The following OPRM1 variants were observed in gnomAD, a reference collection of about 807,000 sequenced individuals.
OPRM1 encodes the protein mu-type opioid receptor.
OPRM1 carries 27 observed loss-of-function variants against 31.8 expected under a neutral mutation model. That is an observed-to-expected ratio of 0.85 (90% CI 0.63 to 1.17). The LOEUF (loss-of-function observed/expected upper bound fraction) is 1.17. Among genes scored for constraint, OPRM1 ranks in the 50% most tolerant of loss-of-function variants. The pLI is 0.00. For synonymous variants in OPRM1, 196 were observed against 189.9 expected (o/e 1.03, Z -0.26); for missense variants, 536 against 511.1 (o/e 1.05, Z -0.47).
intron 1 of OPRM1, among the ~76,000 whole-genome samples, chr6:154,059,046 G>A (rs1230101412): frequency 2.0e-5 from 3 of 152,088 alleles, no homozygotes; most frequent in African/African-American, 7.2e-5. Context: ...AGTTATTGAG[G>A]GTTCATTTGG....
At chr6:154,229,577 C>T (rs965719557) in intron 3 of OPRM1, among the ~76,000 whole-genome samples, 6 of 151,770 alleles carry the variant, frequency 4.0e-5, no homozygotes, top group Admixed American at 3.3e-4. Flanking sequence ...AGGACGGTCT[C>T]GATCTCCTGA....
At position 154,211,154 on chromosome 6, in the gene OPRM1, C is replaced by T. The variant is rs1212467685; in HGVS notation, c.1165-35539C>T. Among the ~76,000 whole-genome samples the T allele has an allele frequency of 2.6e-5, 4 of 152,096 alleles. 1 individual carries two copies. Among genetic ancestry groups the T allele is most frequent in the Admixed American group, 1.3e-4 (2 of 15,264 alleles). The stretch of plus-strand genomic sequence containing the variant: ...TGTCCTGGCTGGGTGCGGTGGCTCA[C>T]GCTTGTAATCCCAGCACTTTGGGAG... On this transcript the variant is annotated intron_variant, in intron 3 of 3. Transcript: ENST00000337049.
At position 154,082,124 on chromosome 6, in the gene OPRM1, C is replaced by A. The variant is rs548355204; in HGVS notation, c.291-7702C>A. 1.6e-4 allele frequency among the ~76,000 whole-genome samples: 25 copies of A among 152,256 alleles called. 1 individual carries two copies. Among genetic ancestry groups the A allele is most frequent in the Admixed American group, 1.2e-3 (19 of 15,286 alleles). On this transcript the variant is annotated intron_variant, in intron 1 of 3. Coordinates refer to ENST00000330432, the MANE Select transcript of OPRM1 (RefSeq NM_000914.5). The stretch of plus-strand genomic sequence containing the variant: ...CTGGCACAGCAAAAACAAATATTCC[C>A]TCTTCAGTCTTACTTCAAAAATTGC...
intron 1 of OPRM1, among the ~76,000 whole-genome samples, chr6:154,052,386 T>C (rs1321970242): frequency 6.6e-6 from 1 of 152,224 alleles, no homozygotes; most frequent in African/African-American, 2.4e-5. Flanking sequence ...GTTTTTACAA[T>C]CAGATAATCT....
Position 154,039,360 on chromosome 6 carries a change from T to C in OPRM1, c.-185T>C. 6.5e-7 allele frequency: 1 copy of C among 1,545,282 alleles called. No homozygotes were observed. ...GGAGGGGGCTATACGCAGAGGAGAA[T>C]GTCAGATGCTCAGCTCGGTCCCCTC... On this transcript the variant is annotated 5_prime_UTR_variant, in exon 1 of 4. The change abolishes an upstream ATG in the 5' untranslated region. Coordinates refer to ENST00000330432, the MANE Select transcript of OPRM1 (RefSeq NM_000914.5).
rs1779709548 is a variant in OPRM1, at chr6:154,039,939, G to A, written c.290+105G>A. 1.5e-5 allele frequency: 16 copies of A among 1,079,412 alleles called. No individual in the cohort carries two copies. In the South Asian group the frequency reaches 2.8e-4, roughly 19 times the overall value. The allele number at this position is 1,079,412 out of a possible 1,614,324, so 66.9% of individuals were successfully genotyped here. A position where few individuals can be genotyped will look rare whatever the true frequency, so the allele number is the denominator to read the frequency against. On this transcript the variant is annotated intron_variant, in intron 1 of 3. Coordinates refer to ENST00000330432, the MANE Select transcript of OPRM1 (RefSeq NM_000914.5). ...AATGTTGGGCGGGAGGATGAAAGAG[G>A]GGAGGTAAACTGGGGGGACTCTGGA...
intron 3 of OPRM1, among the ~76,000 whole-genome samples, chr6:154,232,288 T>C (rs1162578912): frequency 1.3e-5 from 2 of 152,266 alleles, no homozygotes; most frequent in African/African-American, 2.4e-5. Flanking sequence ...GTGTTTTATT[T>C]TCTTCTAGAT....
intron 3 of OPRM1, among the ~76,000 whole-genome samples, chr6:154,238,968 A>G (rs1780363257): frequency 6.6e-6 from 1 of 152,116 alleles, no homozygotes; most frequent in Admixed American, 6.6e-5. Context: ...CGACAAAAGT[A>G]CTATGCACTG....
intron 1 of OPRM1, among the ~76,000 whole-genome samples, chr6:154,017,002 C>T (rs931326351): frequency 6.6e-6 from 1 of 152,164 alleles, no homozygotes; most frequent in Non-Finnish European, 1.5e-5. Flanking sequence ...TAATCAAATA[C>T]AAATATCTCA....
chr6:154,048,204 C>T (rs561720), intron 1 of OPRM1, among the ~76,000 whole-genome samples: 328 of 152,294 alleles, frequency 2.2e-3, no homozygotes, highest in Non-Finnish European at 3.7e-3. Context: ...TTTAAATTAA[C>T]GTTTACGTAA....
chr6:154,175,979 C>G (rs1484764824), intron 3 of OPRM1, among the ~76,000 whole-genome samples: 1 of 152,186 alleles, frequency 6.6e-6, no homozygotes, highest in Non-Finnish European at 1.5e-5. Flanking sequence ...CCACCACAAT[C>G]AAGTCGGCTT....
chr6:154,017,097 T>C (rs1454083171), intron 1 of OPRM1, among the ~76,000 whole-genome samples: 1 of 152,198 alleles, frequency 6.6e-6, no homozygotes, highest in African/African-American at 2.4e-5. Context: ...CTTATCACCA[T>C]CTGACATTAC....
intron 3 of OPRM1, chr6:154,107,957 T>C: frequency 2.1e-6 from 1 of 468,528 alleles, no homozygotes. Flanking sequence ...CTGATTTTTT[T>C]ATTTTATTTT....
At chr6:154,066,045 G>C (rs377032197) in intron 1 of OPRM1, among the ~76,000 whole-genome samples, 1 of 151,880 alleles carries the variant, frequency 6.6e-6, no homozygotes, top group African/African-American at 2.4e-5. Flanking sequence ...TATTTTCTTC[G>C]TTCTGTTAAT....
chr6:154,195,553 A>G (rs1471029838), intron 3 of OPRM1, among the ~76,000 whole-genome samples: 1 of 151,916 alleles, frequency 6.6e-6, no homozygotes, highest in Admixed American at 6.6e-5. Flanking sequence ...TTCAACCTCA[A>G]CCAAATGTCC....
chr6:154,149,637 G>T (rs569861260), intron 3 of OPRM1, among the ~76,000 whole-genome samples: 5 of 144,488 alleles, frequency 3.5e-5, no homozygotes, highest in Admixed American at 2.1e-4. Context: ...TGTGTGTGTA[G>T]AGAGAGAGAG....
chr6:154,044,774 GA>G (rs1780781445), intron 1 of OPRM1, among the ~76,000 whole-genome samples: 1 of 152,116 alleles, frequency 6.6e-6, no homozygotes, highest in South Asian at 2.1e-4. Flanking sequence ...TTGAGATTTT[GA>G]ACATCTAATA....
chr6:154,119,159 C>G lies in OPRM1; in HGVS notation c.*438C>G. ...AGCACCTTGAATGGAAGGTCCGAGT[C>G]TTTTTAGTGTTTTGCAAGGGAATGA... On this transcript the variant is annotated 3_prime_UTR_variant, in exon 4 of 4. Coordinates refer to ENST00000330432, the MANE Select transcript of OPRM1 (RefSeq NM_000914.5). The G allele has an allele frequency of 1.0e-6, 1 of 988,534 alleles. No homozygotes were observed. Among genetic ancestry groups the G allele is most frequent in the Non-Finnish European group, 1.2e-6 (1 of 831,828 alleles). 61.2% of individuals were successfully genotyped at this position (988,534 alleles called of 1,614,324 possible).
At chr6:154,075,360 C>A (rs1787638784) in intron 1 of OPRM1, among the ~76,000 whole-genome samples, 1 of 151,982 alleles carries the variant, frequency 6.6e-6, no homozygotes, top group Non-Finnish European at 1.5e-5. Context: ...GTAAAAAGAA[C>A]TGGCATTTTT....
Sources: gnomAD v4.1 joint callset for allele counts (sites outside exome capture counted in the v4.1 genomes callset) on GRCh38, gnomAD v4.1.1 for gene constraint, MANE v1.5 for transcripts, NCBI Gene and HGNC (gene_info 2026-07-23, HGNC 2026-07-21) for gene names.